The following CYRIB variants were observed in gnomAD, a reference collection of about 807,000 sequenced individuals.
The protein encoded by CYRIB is CYFIP related Rac1 interactor B, also known as CYFIP-related Rac1 interactor B.
In CYRIB, 8 loss-of-function variants were observed where a neutral mutation model predicts 44.2. That is an observed-to-expected ratio of 0.18 (90% confidence interval 0.11 to 0.33). The LOEUF (loss-of-function observed/expected upper bound fraction) is 0.33. CYRIB is among the 10% of genes least tolerant of loss of function. CYRIB has a pLI of 1.00. For synonymous variants in CYRIB, 131 were observed against 127.2 expected, an observed-to-expected ratio of 1.03 and a Z score of -0.20; for missense variants, 185 against 382.8, an observed-to-expected ratio of 0.48 and a Z score of 4.31.
chr8:129,926,463 A>G (rs1250588477), intron 1 of CYRIB, among the ~76,000 whole-genome samples: 2 of 152,138 alleles, frequency 1.3e-5, no homozygotes, highest in African/African-American at 4.8e-5. Context: ...CCAGAGATTA[A>G]ACTTCAGTCT....
chr8:129,895,146 A>G (rs1354972779), intron 2 of CYRIB, among the ~76,000 whole-genome samples: 69 of 40,920 alleles, frequency 1.7e-3, no homozygotes, highest in African/African-American at 4.9e-3. Context: ...GGGTGGGGGC[A>G]GGGGCAGGGG....
chr8:129,867,287 C>CT (rs747961490), intron 4 of CYRIB, among the ~76,000 whole-genome samples: 8,982 of 131,108 alleles, frequency 0.069, 602 homozygotes, highest in African/African-American at 0.17. Context: ...CCACACCTGG[C>CT]TTTTTTTTTT....
At chr8:129,889,153 C>A (rs2064016332) in intron 2 of CYRIB, among the ~76,000 whole-genome samples, 1 of 152,106 alleles carries the variant, frequency 6.6e-6, no homozygotes, top group Admixed American at 6.6e-5. Context: ...TCTGCCTGTG[C>A]TCTCTAAATG....
intron 1 of CYRIB, among the ~76,000 whole-genome samples, chr8:130,005,850 G>A (rs1262011069): frequency 6.6e-6 from 1 of 151,730 alleles, no homozygotes; most frequent in African/African-American, 2.4e-5. Flanking sequence ...TGGAAAAGAT[G>A]GGACTAGGTG....
intron 3 of CYRIB, among the ~76,000 whole-genome samples, chr8:129,877,663 G>GTGTGTGTGTGTGTGTGTGTGTGTGT (rs3222125): frequency 7.7e-6 from 1 of 130,684 alleles, no homozygotes; most frequent in African/African-American, 3.3e-5. Flanking sequence ...AAAAAAAAAA[G>GTGTGTGTGTGTGTGTGTGTGTGTGT]GTGTGTGTGT....
At chr8:129,986,377 T>C (rs974942014) in intron 1 of CYRIB, among the ~76,000 whole-genome samples, 1 of 152,078 alleles carries the variant, frequency 6.6e-6, no homozygotes, top group Non-Finnish European at 1.5e-5. Context: ...ATTGCAGAAG[T>C]CTCCCTAGCC....
chr8:129,854,531 G>T (rs1027951630), intron 6 of CYRIB, among the ~76,000 whole-genome samples, 188 bp from the exon 9 acceptor site: 1 of 152,038 alleles, frequency 6.6e-6, no homozygotes, highest in African/African-American at 2.4e-5. Context: ...CATATAAAAC[G>T]AAAGACCACA....
chr8:129,899,467 A>T (rs945817393), intron 2 of CYRIB, among the ~76,000 whole-genome samples: 1 of 152,194 alleles, frequency 6.6e-6, no homozygotes, highest in Admixed American at 6.6e-5. Flanking sequence ...TATCATATAA[A>T]TTTTTTTAAC....
At chr8:129,983,700 C>T (rs903031510) in intron 1 of CYRIB, among the ~76,000 whole-genome samples, 3 of 152,182 alleles carry the variant, frequency 2.0e-5, no homozygotes, top group African/African-American at 7.2e-5. Context: ...CTGCACCAGC[C>T]ACAGGGATGC....
chr8:129,906,808 T>A (rs2075644829), intron 1 of CYRIB, among the ~76,000 whole-genome samples: 1 of 152,200 alleles, frequency 6.6e-6, no homozygotes, highest in South Asian at 2.1e-4. Context: ...GAACAGACAC[T>A]TTCAAAAGAA....
intron 2 of CYRIB, among the ~76,000 whole-genome samples, chr8:129,884,155 G>A (rs1564602859): frequency 6.6e-6 from 1 of 152,070 alleles, no homozygotes; most frequent in Non-Finnish European, 1.5e-5. Flanking sequence ...TTTTCCTCTG[G>A]TTTTAAGATA....
chr8:129,982,181 T>C (rs2096264578), intron 1 of CYRIB, among the ~76,000 whole-genome samples: 1 of 152,152 alleles, frequency 6.6e-6, no homozygotes, highest in Admixed American at 6.6e-5. Flanking sequence ...CTGGTCACAC[T>C]TTCCCCTTCT....
At chr8:129,866,536 GTA>G (rs2053701508) in intron 4 of CYRIB, among the ~76,000 whole-genome samples, 1 of 151,630 alleles carries the variant, frequency 6.6e-6, no homozygotes, top group Non-Finnish European at 1.5e-5. Flanking sequence ...CATTTTGACT[GTA>G]TATAGAGATT....
At chr8:129,886,490 C>T (rs1005492016) in intron 2 of CYRIB, among the ~76,000 whole-genome samples, 2 of 152,234 alleles carry the variant, frequency 1.3e-5, no homozygotes, top group African/African-American at 2.4e-5. Flanking sequence ...GATTCTATTT[C>T]CCTCACCAGC....
At chr8:129,839,964 C>T (rs1185704834) in exon 12 of CYRIB, 1 of 152,262 alleles carries the variant, frequency 6.6e-6, no homozygotes, top group Non-Finnish European at 1.5e-5. Context: ...TTCCTTGGGA[C>T]ACTGAAGGAA....
At chr8:129,932,387 A>G (rs1190488598) in intron 1 of CYRIB, among the ~76,000 whole-genome samples, 2 of 152,198 alleles carry the variant, frequency 1.3e-5, no homozygotes, top group Non-Finnish European at 2.9e-5. Flanking sequence ...TATAATAAAT[A>G]TAATGTATTC....
rs563023660 is a variant in CYRIB at position 129,899,740 on chromosome 8, T to C, written c.-11+3572A>G. ...TTTTAAAGGAGAAACAAGGGTTATA[T>C]AATAGTTTTGAAATAAATATCCTTA... On this transcript the variant is annotated intron_variant, in intron 2 of 11. Coordinates refer to ENST00000519824, the Ensembl canonical transcript of CYRIB. 7.9e-5 allele frequency among the ~76,000 whole-genome samples: 12 copies of C among 152,318 alleles called. No individual in the cohort carries two copies. In the South Asian group the frequency reaches 1.7e-3, roughly 21 times the overall value.
chr8:129,904,932 T>C lies in CYRIB; in HGVS notation c.-49-1582A>G, dbSNP rs185486658. Among the ~76,000 whole-genome samples, 13 of 152,318 alleles carry C rather than the reference T, an allele frequency of 8.5e-5. No individual in the cohort carries two copies. In the East Asian group the frequency reaches 2.5e-3, roughly 29 times the overall value. On this transcript the variant is annotated intron_variant, in intron 1 of 11. Transcript: ENST00000519824. ...AATGTTAACCAGGCAAATAAACGTGTGTGTTTATCTAAATGGTGCCACTGC... is the reference window on the plus strand; with the variant it reads ...AATGTTAACCAGGCAAATAAACGTGCGTGTTTATCTAAATGGTGCCACTGC...
chr8:129,916,552 G>A (rs1291641712), intron 1 of CYRIB, among the ~76,000 whole-genome samples: 2 of 152,116 alleles, frequency 1.3e-5, no homozygotes, highest in South Asian at 2.1e-4. Flanking sequence ...AACAGCCTAT[G>A]CCCATTCCAG....
Sources: allele counts gnomAD v4.1 joint callset (sites outside exome capture counted in the v4.1 genomes callset), GRCh38; gene constraint gnomAD v4.1.1; transcripts MANE v1.5; gene names NCBI Gene and HGNC (gene_info 2026-07-23, HGNC 2026-07-21).